The following EPB41L5 variants were observed in gnomAD, a reference collection of about 807,000 sequenced individuals.
EPB41L5 encodes the protein band 4.1-like protein 5.
EPB41L5 carries 55 observed loss-of-function variants against 106.6 expected under a neutral mutation model. The observed-to-expected ratio is 0.52, with a 90% CI of 0.42 to 0.65. The LOEUF (loss-of-function observed/expected upper bound fraction) is 0.65. EPB41L5 is among the 30% of genes least tolerant of loss of function. The pLI is 0.00. For synonymous variants in EPB41L5, 297 were observed against 306.7 expected (o/e 0.97, Z 0.33); for missense variants, 871 against 882.1 (o/e 0.99, Z 0.16).
chr2:120,156,446 G>A (rs573747284), intron 20 of EPB41L5, among the ~76,000 whole-genome samples: 1 of 152,306 alleles, frequency 6.6e-6, no homozygotes, highest in Non-Finnish European at 1.5e-5. Flanking sequence ...TAGCATGTGT[G>A]TGCATGGGCT....
intron 16 of EPB41L5, among the ~76,000 whole-genome samples, chr2:120,118,384 A>G (rs1012477364): frequency 9.2e-5 from 14 of 152,178 alleles, no homozygotes. Context: ...TCAGGGGTAC[A>G]TGTGCAGAAC....
intron 10 of EPB41L5, among the ~76,000 whole-genome samples, chr2:120,083,024 T>A (rs1324951497): frequency 2.0e-5 from 3 of 152,154 alleles, no homozygotes; most frequent in African/African-American, 7.2e-5. Context: ...GCTAGCAGTC[T>A]ATCAATTTTG....
intron 5 of EPB41L5, among the ~76,000 whole-genome samples, chr2:120,074,697 A>G (rs1257907422): frequency 6.6e-6 from 1 of 152,140 alleles, no homozygotes; most frequent in Non-Finnish European, 1.5e-5. Context: ...CTCTATTATA[A>G]ATTCATTGCT....
intron 2 of EPB41L5, among the ~76,000 whole-genome samples, chr2:120,039,059 G>A (rs1283417624): frequency 1.3e-5 from 2 of 152,112 alleles, no homozygotes; most frequent in Non-Finnish European, 2.9e-5. Context: ...AGTGAAATAA[G>A]CCAGAAACAA....
chr2:120,087,275 C>G, intron 11 of EPB41L5, 35 bp downstream of exon 11: 1 of 1,242,804 alleles, frequency 8.0e-7, no homozygotes, highest in Non-Finnish European at 1.2e-6. Context: ...ACTTGTGTAA[C>G]AGTGACTGTA....
chr2:120,027,358 A>G (rs1162686666), intron 2 of EPB41L5, among the ~76,000 whole-genome samples: 7 of 152,248 alleles, frequency 4.6e-5, no homozygotes, highest in Non-Finnish European at 7.3e-5. Context: ...TTATTTAGCC[A>G]TAAAGGAAAT....
intron 23 of EPB41L5, 57 bp from the exon 24 acceptor site, chr2:120,167,820 G>C (rs186118647): frequency 5.0e-5 from 80 of 1,604,102 alleles, no homozygotes; most frequent in Middle Eastern, 1.7e-4. Context: ...TGGAGCTGAA[G>C]TGCTGACCAG....
At chr2:120,086,706 AG>A (rs1156322935) in intron 10 of EPB41L5, among the ~76,000 whole-genome samples, 1 of 152,208 alleles carries the variant, frequency 6.6e-6, no homozygotes, top group Non-Finnish European at 1.5e-5. Flanking sequence ...ACACTACTGC[AG>A]TCCACCCTGT....
chr2:120,064,607 A>T (rs1281181970), intron 3 of EPB41L5, among the ~76,000 whole-genome samples: 1 of 152,214 alleles, frequency 6.6e-6, no homozygotes, highest in Non-Finnish European at 1.5e-5. Context: ...GTTCGATAGG[A>T]TGCTAAGAAA....
In EPB41L5 at chr2:120,178,092, G is replaced by A. The variant is rs1430307048; in HGVS notation, c.*3185G>A. ...TCTTGTTCTGTAAAGGACCAGAGAT[G>A]GTAAATACTGTCCCACTCAGCTCTG... On this transcript the variant is annotated 3_prime_UTR_variant, in exon 25 of 25. Coordinates refer to ENST00000263713, the MANE Select transcript of EPB41L5 (RefSeq NM_020909.4). The A allele has an allele frequency of 1.3e-5, 2 of 152,730 alleles. No homozygotes were observed. Among genetic ancestry groups the A allele is most frequent in the African/African-American group, 2.4e-5 (1 of 41,466 alleles). The allele number at this position is 152,730 out of a possible 1,614,324, so 9.5% of individuals were successfully genotyped here. A position where few individuals can be genotyped will look rare whatever the true frequency, so the allele number is the denominator to read the frequency against.
chr2:120,061,235 T>A (rs1282435463), intron 3 of EPB41L5, among the ~76,000 whole-genome samples: 7 of 148,106 alleles, frequency 4.7e-5, no homozygotes, highest in African/African-American at 1.5e-4. Flanking sequence ...TTTATTTTTT[T>A]TTTTTGAGAC....
chr2:120,177,887 C>T lies in EPB41L5; in HGVS notation c.*2980C>T, dbSNP rs1687973867. 6.6e-6 allele frequency: 1 copy of T among 152,218 alleles called. No homozygotes were observed. The highest frequency in any genetic ancestry group is 1.5e-5 in the Non-Finnish European group (1 of 68,048). The allele number at this position is 152,218 out of a possible 1,614,324, so 9.4% of individuals were successfully genotyped here. A position where few individuals can be genotyped will look rare whatever the true frequency, so the allele number is the denominator to read the frequency against. On this transcript the variant is annotated 3_prime_UTR_variant, in exon 25 of 25. Transcript: ENST00000263713. ...CTGGACTACTTGTTATCTTATGCTT[C>T]TCACTTCTGGCTAAAACTTGCACCT...
chr2:120,141,553 C>G (rs1686175362), intron 18 of EPB41L5, among the ~76,000 whole-genome samples: 1 of 151,952 alleles, frequency 6.6e-6, no homozygotes, highest in Non-Finnish European at 1.5e-5. Context: ...AATCAGCTGC[C>G]AAAGAGTTAT....
At chr2:120,139,981 G>A (rs1333103601) in intron 18 of EPB41L5, among the ~76,000 whole-genome samples, 8 of 151,882 alleles carry the variant, frequency 5.3e-5, no homozygotes, top group African/African-American at 1.7e-4. Flanking sequence ...AGTACTATTC[G>A]GCCATAAAAA....
At chr2:120,022,348 G>A (rs529224311) in intron 2 of EPB41L5, among the ~76,000 whole-genome samples, 34 of 126,020 alleles carry the variant, frequency 2.7e-4, no homozygotes, top group African/African-American at 8.7e-4. Context: ...CCCACCCCCC[G>A]ACAGGCCCTG....
intron 3 of EPB41L5, among the ~76,000 whole-genome samples, chr2:120,051,834 GT>G (rs35377394): frequency 0.69 from 103,314 of 150,352 alleles, 36,920 homozygotes; most frequent in Non-Finnish European, 0.79. Context: ...GCATTGTTTT[GT>G]TTTTTTTTTG....
intron 16 of EPB41L5, among the ~76,000 whole-genome samples, chr2:120,111,247 G>T (rs547723036): frequency 2.0e-5 from 3 of 152,164 alleles, no homozygotes; most frequent in African/African-American, 7.2e-5. Context: ...TTGAGGCCAC[G>T]GATTTGGGAG....
chr2:120,071,617 T>C (rs1261215030), intron 3 of EPB41L5, among the ~76,000 whole-genome samples: 2 of 152,098 alleles, frequency 1.3e-5, no homozygotes, highest in Admixed American at 6.6e-5. Flanking sequence ...GCGTCAGAAT[T>C]AACAACACAC....
chr2:120,043,739 C>A (rs755703237), intron 3 of EPB41L5, among the ~76,000 whole-genome samples: 12 of 151,850 alleles, frequency 7.9e-5, no homozygotes, highest in Non-Finnish European at 1.5e-4. Context: ...AAGTGTGAGA[C>A]CCTATTTCTA....
Sources: gnomAD v4.1 joint callset for allele counts (sites outside exome capture counted in the v4.1 genomes callset) on GRCh38, gnomAD v4.1.1 for gene constraint, MANE v1.5 for transcripts, NCBI Gene and HGNC (gene_info 2026-07-23, HGNC 2026-07-21) for gene names.